The following PHF19 variants were observed in gnomAD, a reference collection of about 807,000 sequenced individuals.
PHF19 encodes the protein polycomb like 3.
PHF19 carries 21 observed loss-of-function variants against 79.8 expected under a neutral mutation model. The ratio of observed to expected loss-of-function variants is 0.26; its 90% CI spans 0.19 to 0.38. The LOEUF is 0.38. PHF19 is among the 10% of genes least tolerant of loss of function. The pLI is 1.00. For missense variants in PHF19, 445 were observed against 744.2 expected, an observed-to-expected ratio of 0.60 and a Z score of 4.68; for synonymous variants, 273 against 296.3, an observed-to-expected ratio of 0.92 and a Z score of 0.81.
chr9:120,871,862 A>ACCCC (rs1216934744), intron 3 of PHF19, among the ~76,000 whole-genome samples: 1 of 151,544 alleles, frequency 6.6e-6, no homozygotes, highest in Non-Finnish European at 1.5e-5. Flanking sequence ...ATAGGGTGAC[A>ACCCC]CCCCCTCTCT....
intron 1 of PHF19, 111 bp downstream of exon 1, chr9:120,876,980 C>T (rs932127557): frequency 1.0e-5 from 10 of 957,818 alleles, no homozygotes; most frequent in African/African-American, 1.8e-5. Flanking sequence ...AGGAGTCTCA[C>T]CCCCCGGAGG....
chr9:120,899,020 G>A (rs990669098), upstream of PHF19, among the ~76,000 whole-genome samples: 1 of 151,902 alleles, frequency 6.6e-6, no homozygotes, highest in Non-Finnish European at 1.5e-5. Context: ...CCAAGATGGT[G>A]AAACCCCATC....
chr9:120,897,677 G>A (rs745343113), upstream of PHF19, among the ~76,000 whole-genome samples: 6 of 151,860 alleles, frequency 4.0e-5, no homozygotes, highest in African/African-American at 9.7e-5. Flanking sequence ...ATAAAAATAC[G>A]AATGAAATAT....
chr9:120,865,161 G>C (rs2045662125), intron 9 of PHF19, among the ~76,000 whole-genome samples: 1 of 152,166 alleles, frequency 6.6e-6, no homozygotes, highest in South Asian at 2.1e-4. Context: ...GCCTCACTCT[G>C]TATGTGGTGG....
In PHF19 at chr9:120,866,403, G is replaced by C. The variant is rs562173874; in HGVS notation, c.711-307C>G. Among the ~76,000 whole-genome samples the C allele has an allele frequency of 3.9e-5, 6 of 152,270 alleles. No individual in the cohort carries two copies. Among genetic ancestry groups the C allele is most frequent in the African/African-American group, 1.4e-4 (6 of 41,530 alleles). On this transcript the variant is annotated intron_variant, in intron 7 of 14. Transcript: ENST00000373896. The surrounding 1 kb of genome is among the most constrained non-coding windows in gnomAD (Gnocchi z 5.2). ...CTTCCCCTCTGAGACAGCCACACAC[G>C]CAATCACAAATGACATGAGACACCA...
At chr9:120,898,838 G>A (rs1399749635), upstream of PHF19, among the ~76,000 whole-genome samples, 1 of 152,154 alleles carries the variant, frequency 6.6e-6, no homozygotes, top group Non-Finnish European at 1.5e-5. Flanking sequence ...AAGTTTCATG[G>A]AGCGATGTAG....
intron 1 of PHF19, among the ~76,000 whole-genome samples, chr9:120,882,484 T>G (rs1283099774): frequency 6.6e-6 from 1 of 152,244 alleles, no homozygotes; most frequent in Non-Finnish European, 1.5e-5. Context: ...CAGTCATTAT[T>G]TTGAGAGAAC....
At chr9:120,863,992 G>A (rs922586665) in intron 10 of PHF19, 57 bp downstream of exon 10, 1 of 1,370,670 alleles carries the variant, frequency 7.3e-7, no homozygotes, top group Non-Finnish European at 1.0e-6. Flanking sequence ...CTATGAGGTA[G>A]GAAGGAATCT....
the PHF19 span, among the ~76,000 whole-genome samples, chr9:120,900,995 G>C: frequency 6.6e-6 from 1 of 152,246 alleles, no homozygotes; most frequent in African/African-American, 2.4e-5. Flanking sequence ...TGGCCTCTGT[G>C]AGCAAGCTTG....
intron 1 of PHF19, among the ~76,000 whole-genome samples, chr9:120,890,979 C>G (rs567584091): frequency 6.6e-6 from 1 of 152,310 alleles, no homozygotes; most frequent in Admixed American, 6.5e-5. Flanking sequence ...GTGCGACAAA[C>G]AACCTTCACC....
intron 1 of PHF19, among the ~76,000 whole-genome samples, chr9:120,892,336 G>C (rs1018496674): frequency 2.6e-5 from 4 of 152,156 alleles, no homozygotes; most frequent in Admixed American, 6.5e-5. Context: ...CCAGCACGGA[G>C]TAGGAGTGGG....
Position 120,858,259 on chromosome 9 carries a change from C to A in PHF19, c.1428G>T (p.Lys476Asn). The change falls in exon 15 of 15, where the codon AAG becomes AAT. Residue 476 changes from lysine to asparagine, a missense_variant. Lys to Asn is a moderately conservative substitution (Grantham distance 94). Transcript: ENST00000373896. ...GGGGCATGTATGCCTTGGCTGCCAG[C>A]TTCCTCTTTCGGCTGCCCACTGTCC... The part of the protein sequence containing the change: ...SRWTVGSRKR[K>N]LAAKAYMPLR... 1 of 1,542,388 alleles carries A rather than the reference C, an allele frequency of 6.5e-7. No individual in the cohort carries two copies. Among genetic ancestry groups the A allele is most frequent in the South Asian group, 1.2e-5 (1 of 80,876 alleles).
intron 14 of PHF19, among the ~76,000 whole-genome samples, chr9:120,859,637 A>G (rs918919986): frequency 2.0e-5 from 3 of 152,088 alleles, no homozygotes; most frequent in Non-Finnish European, 4.4e-5. Context: ...TCAGGCTTCT[A>G]AATAAACGGC....
At chr9:120,885,984 T>A (rs531857422) in intron 1 of PHF19, among the ~76,000 whole-genome samples, 1 of 152,232 alleles carries the variant, frequency 6.6e-6, no homozygotes, top group Non-Finnish European at 1.5e-5. Flanking sequence ...CTCTCACGTC[T>A]GGCCTTTCTC....
chr9:120,890,001 T>C (rs2046320545), intron 1 of PHF19, among the ~76,000 whole-genome samples: 1 of 152,120 alleles, frequency 6.6e-6, no homozygotes, highest in African/African-American at 2.4e-5. Context: ...CTCACAAAAT[T>C]GCATGTGAAA....
the PHF19 span, among the ~76,000 whole-genome samples, chr9:120,900,243 T>C: frequency 1.3e-5 from 2 of 152,218 alleles, no homozygotes; most frequent in Non-Finnish European, 2.9e-5. Flanking sequence ...CACCTCAGCC[T>C]CCCAAAGTGC....
chr9:120,871,909 G>A (rs2045906864), intron 3 of PHF19, among the ~76,000 whole-genome samples: 1 of 151,696 alleles, frequency 6.6e-6, no homozygotes, highest in African/African-American at 2.4e-5. Flanking sequence ...GTGGTGGCAC[G>A]TGGCTGTAGT....
At chr9:120,882,842 C>CAAAAAAA (rs35003037) in intron 1 of PHF19, among the ~76,000 whole-genome samples, 1 of 109,692 alleles carries the variant, frequency 9.1e-6, no homozygotes, top group Non-Finnish European at 1.8e-5. Flanking sequence ...AACTCCATCT[C>CAAAAAAA]AAAAAAAAAA....
At chr9:120,879,629 C>T (rs894190965), upstream of PHF19, among the ~76,000 whole-genome samples, 3 of 152,246 alleles carry the variant, frequency 2.0e-5, no homozygotes, top group African/African-American at 7.2e-5. Context: ...TAAAACACTA[C>T]AGAACAGGAA....
Sources: gnomAD v4.1 joint callset for allele counts (sites outside exome capture counted in the v4.1 genomes callset) on GRCh38, gnomAD v4.1.1 for gene constraint, Gnocchi (gnomAD v3.1) non-coding constraint, MANE v1.5 for transcripts, NCBI Gene and HGNC (gene_info 2026-07-23, HGNC 2026-07-21) for gene names.